Variants in ZPLD1 observed in about 807,000 individuals in gnomAD.
ZPLD1 encodes zona pellucida-like domain-containing protein 1.
A neutral mutation model predicts 47.2 loss-of-function variants in ZPLD1; 34 were observed. The ratio of observed to expected loss-of-function variants is 0.72; its 90% CI spans 0.55 to 0.96. The LOEUF is 0.96. Among genes scored for constraint, ZPLD1 ranks in the 40% least tolerant of loss-of-function variants. The probability of loss-of-function intolerance (pLI) is 0.00; values close to 1 mark genes in which losing one functional copy is unlikely to be tolerated. For synonymous variants in ZPLD1, 176 were observed against 186.2 expected, an observed-to-expected ratio of 0.95 and a Z score of 0.45; for missense variants, 512 against 505.8, an observed-to-expected ratio of 1.01 and a Z score of -0.12.
intron 4 of ZPLD1, among the ~76,000 whole-genome samples, chr3:102,454,541 A>G (rs1559756757): frequency 6.6e-6 from 1 of 152,160 alleles, no homozygotes; most frequent in Non-Finnish European, 1.5e-5. Context: ...TACCTTTTTA[A>G]AAAGCTGAAT....
intron 7 of ZPLD1, among the ~76,000 whole-genome samples, chr3:102,402,335 T>C (rs564201162): frequency 4.1e-4 from 62 of 152,154 alleles, no homozygotes; most frequent in African/African-American, 1.4e-3. Flanking sequence ...TCTTACATAA[T>C]AATTTCAAGA....
chr3:102,411,617 C>T (rs1310060781), intron 7 of ZPLD1, among the ~76,000 whole-genome samples: 4 of 151,794 alleles, frequency 2.6e-5, no homozygotes, highest in African/African-American at 9.6e-5. Context: ...ATAGTGAATA[C>T]GTGGGAGACC....
chr3:102,432,082 G>C (rs1420874060), upstream of ZPLD1, among the ~76,000 whole-genome samples: 2 of 152,196 alleles, frequency 1.3e-5, no homozygotes, highest in African/African-American at 4.8e-5. Flanking sequence ...TGCTGGAGTA[G>C]AGTTTCATCC....
intron 7 of ZPLD1, 57 bp downstream of exon 7, chr3:102,462,435 A>C: frequency 8.3e-6 from 10 of 1,208,028 alleles, no homozygotes; most frequent in South Asian, 1.3e-5. Context: ...CTAAATCCTC[A>C]TGAGTCATAA....
rs748939414 is a variant in ZPLD1, at chr3:102,464,248, T to G, written c.758T>G (p.Leu253Arg). Reference sequence around the variant, plus strand: ...GATGACATTCGATATGATCTTTTCCTTAGGTAAGACTTAGCTGTCTAAGTA... The same window carrying G: ...GATGACATTCGATATGATCTTTTCCGTAGGTAAGACTTAGCTGTCTAAGTA... ...PNDDIRYDLF[L>R]SCDKDPQTTV... The change falls in exon 8 of 12, where the codon CTT becomes CGT. Residue 253 changes from leucine (L) to arginine (R), a missense_variant. Transcript: ENST00000466937. 6.2e-7 allele frequency: 1 copy of G among 1,608,708 alleles called. No individual in the cohort carries two copies. Among genetic ancestry groups the G allele is most frequent in the East Asian group, 2.2e-5 (1 of 44,760 alleles).
Position 102,452,009 on chromosome 3 carries a change from A to G in ZPLD1, c.107-910A>G, listed in dbSNP as rs547250240. Among the ~76,000 whole-genome samples, 7 of 152,172 alleles carry G rather than the reference A, an allele frequency of 4.6e-5. No individual in the cohort carries two copies. The South Asian group carries it at 1.2e-3, about 27-fold the overall frequency. Reference sequence around the variant, plus strand: ...AGCAATTACCAAAACTGATGAATGTAAAATAATCTACCACTAGGGAATTAC... The same window carrying G: ...AGCAATTACCAAAACTGATGAATGTGAAATAATCTACCACTAGGGAATTAC... On this transcript the variant is annotated intron_variant, in intron 3 of 11. Coordinates refer to ENST00000466937, the MANE Select transcript of ZPLD1 (RefSeq NM_001329788.2).
upstream of ZPLD1, among the ~76,000 whole-genome samples, chr3:102,434,333 A>G (rs1018575947): frequency 6.6e-6 from 1 of 152,198 alleles, no homozygotes; most frequent in African/African-American, 2.4e-5. Context: ...AAAGTGCATT[A>G]TATTTTTCTG....
chr3:102,477,775 A>T lies in ZPLD1; in HGVS notation c.*157A>T. ...CTTGTCAGCATAATGATAGTGAAAGAAGTTTATTATATTGCTATTGTCACT... is the reference window on the plus strand; with the variant it reads ...CTTGTCAGCATAATGATAGTGAAAGTAGTTTATTATATTGCTATTGTCACT... On this transcript the variant is annotated 3_prime_UTR_variant, in exon 12 of 12. Coordinates refer to ENST00000466937, the MANE Select transcript of ZPLD1 (RefSeq NM_001329788.2). 1 of 655,938 alleles carries T rather than the reference A, an allele frequency of 1.5e-6. No homozygotes were observed. The highest frequency in any genetic ancestry group is 2.3e-6 in the Non-Finnish European group (1 of 427,686). The allele number at this position is 655,938 out of a possible 1,614,324, so 40.6% of individuals were successfully genotyped here.
intron 8 of ZPLD1, among the ~76,000 whole-genome samples, chr3:102,418,715 G>A (rs1035061620): frequency 6.6e-6 from 1 of 151,938 alleles, no homozygotes; most frequent in Non-Finnish European, 1.5e-5. Flanking sequence ...CAGAGAAGCT[G>A]GCTAGATATG....
intron 8 of ZPLD1, among the ~76,000 whole-genome samples, chr3:102,429,582 A>G (rs1328835364): frequency 6.6e-6 from 1 of 152,120 alleles, no homozygotes; most frequent in Non-Finnish European, 1.5e-5. Context: ...TGAATTGAGA[A>G]AGTTTGACTA....
intron 6 of ZPLD1, among the ~76,000 whole-genome samples, chr3:102,461,169 T>C (rs900346041): frequency 2.0e-5 from 3 of 152,042 alleles, no homozygotes; most frequent in African/African-American, 7.2e-5. Flanking sequence ...AAAGATATTA[T>C]GGTTGATATG....
chr3:102,442,192 A>G (rs571893754), intron 3 of ZPLD1, among the ~76,000 whole-genome samples: 1 of 152,188 alleles, frequency 6.6e-6, no homozygotes, highest in East Asian at 1.9e-4. Context: ...CTCCTCCTCT[A>G]TTTTCAATTA....
chr3:102,392,607 C>T lies in ZPLD1; in HGVS notation c.-157+382C>T, dbSNP rs142928653. On this transcript the variant is annotated intron_variant, in intron 7 of 17. Transcript: ENST00000491959. ...TCCTTCTTTCTTCTTCTTCTGCCAT[C>T]AGTTCCCCTGCCATGATAACTCATT... is the stretch of plus-strand genomic sequence containing the variant. Among the ~76,000 whole-genome samples, 200 of 146,630 alleles carry T rather than the reference C, an allele frequency of 1.4e-3. 2 individuals are homozygous for T. The highest frequency in any genetic ancestry group is 4.6e-3 in the African/African-American group (190 of 40,930).
chr3:102,427,479 A>C (rs917443514), intron 8 of ZPLD1, among the ~76,000 whole-genome samples: 14 of 152,198 alleles, frequency 9.2e-5, no homozygotes, highest in African/African-American at 3.4e-4. Flanking sequence ...AGACAATGGA[A>C]GATCTCTAAA....
intron 3 of ZPLD1, among the ~76,000 whole-genome samples, chr3:102,448,962 T>TAACA (rs1272586808): frequency 1.3e-5 from 2 of 152,230 alleles, no homozygotes; most frequent in African/African-American, 4.8e-5. Flanking sequence ...GTGAACTCTC[T>TAACA]AACAGCTGAG....
At chr3:102,440,477 AC>A (rs1365928541) in intron 3 of ZPLD1, among the ~76,000 whole-genome samples, 2 of 152,180 alleles carry the variant, frequency 1.3e-5, no homozygotes, top group Non-Finnish European at 2.9e-5. Flanking sequence ...GACAAAAAAA[AC>A]ATAGGACACT....
rs2107362399 is a variant in ZPLD1, at chr3:102,477,058, A to G, written c.1072+17A>G. On this transcript the variant is annotated intron_variant, in intron 11 of 11. Transcript: ENST00000466937. ...CGCAACTTGGTAAGATAATTAACAT[A>G]TTTTGCAATGTTTTTTACATTTTTG... 6.2e-7 allele frequency: 1 copy of G among 1,613,088 alleles called. No individual in the cohort carries two copies. Among genetic ancestry groups the G allele is most frequent in the South Asian group, 1.1e-5 (1 of 91,040 alleles).
intron 3 of ZPLD1, 96 bp from the exon 4 acceptor site, chr3:102,452,823 A>G (rs1157505523): frequency 2.9e-6 from 4 of 1,366,780 alleles, no homozygotes; most frequent in East Asian, 2.5e-5. Flanking sequence ...AGTTAAACAG[A>G]CAAAGGAGAT....
At chr3:102,450,467 T>C (rs1398757097) in intron 3 of ZPLD1, among the ~76,000 whole-genome samples, 2 of 152,026 alleles carry the variant, frequency 1.3e-5, no homozygotes, top group East Asian at 1.9e-4. Context: ...TTTAAAGACA[T>C]GAAAAATGTT....
Sources: gnomAD v4.1 joint callset for allele counts (sites outside exome capture counted in the v4.1 genomes callset) on GRCh38, gnomAD v4.1.1 for gene constraint, MANE v1.5 for transcripts, NCBI Gene and HGNC (gene_info 2026-07-23, HGNC 2026-07-21) for gene names.